Variants in PCDH11X observed in about 807,000 individuals in gnomAD.
PCDH11X encodes the protein protocadherin-11 X-linked.
In PCDH11X, 18 loss-of-function variants were observed where a neutral mutation model predicts 53.3. The observed-to-expected ratio is 0.34, with a 90% CI of 0.23 to 0.50. The LOEUF (loss-of-function observed/expected upper bound fraction) is 0.50. PCDH11X is among the 20% of genes least tolerant of loss of function. PCDH11X has a pLI of 0.98. For synonymous variants in PCDH11X, 279 were observed against 393.3 expected (o/e 0.71, Z 3.44); for missense variants, 570 against 1,032.4 (o/e 0.55, Z 6.14).
chrX:91,950,259 T>A (rs1380320093), intron 6 of PCDH11X, among the ~76,000 whole-genome samples: 2 of 106,209 alleles, frequency 1.9e-5, no homozygotes, highest in African/African-American at 3.4e-5. Context: ...CTGAGTAGCG[T>A]ACACTCTACT....
chrX:92,419,677 T>TC (rs1211060727), intron 9 of PCDH11X, among the ~76,000 whole-genome samples: 118 of 65,121 alleles, frequency 1.8e-3, no homozygotes, highest in Non-Finnish European at 2.9e-3. Context: ...CCCTTTTTTT[T>TC]TTTTTTTTTT....
chrX:92,107,621 C>G (rs1240524915), intron 6 of PCDH11X, among the ~76,000 whole-genome samples: 1 of 112,481 alleles, frequency 8.9e-6, no homozygotes, highest in Non-Finnish European at 1.9e-5. Flanking sequence ...CCTGTAATCC[C>G]TGCTACTCGG....
intron 10 of PCDH11X, among the ~76,000 whole-genome samples, chrX:92,603,485 T>C (rs1446355239): frequency 3.0e-5 from 3 of 100,371 alleles, no homozygotes; most frequent in Non-Finnish European, 4.1e-5. Flanking sequence ...TTTAATGAAG[T>C]CTGATAAACA....
intron 6 of PCDH11X, among the ~76,000 whole-genome samples, chrX:92,112,902 G>A (rs34183592): frequency 1.8e-5 from 2 of 109,113 alleles, no homozygotes; most frequent in South Asian, 7.6e-4. Context: ...AGAGATTAAC[G>A]CCAGTGCTAG....
At chrX:91,946,815 G>A (rs2147865108) in intron 6 of PCDH11X, among the ~76,000 whole-genome samples, 1 of 98,752 alleles carries the variant, frequency 1.0e-5, no homozygotes, top group Admixed American at 1.1e-4. Context: ...TACTTATAGA[G>A]ATAGTTTAGT....
At chrX:92,606,638 T>A (rs1463748393) in intron 10 of PCDH11X, among the ~76,000 whole-genome samples, 1 of 110,064 alleles carries the variant, frequency 9.1e-6, no homozygotes, top group Admixed American at 9.7e-5. Flanking sequence ...GATCTGACAC[T>A]AAAAGTACAA....
chrX:91,850,441 C>A (rs1040676427), intron 5 of PCDH11X, among the ~76,000 whole-genome samples: 2 of 111,528 alleles, frequency 1.8e-5, no homozygotes, highest in African/African-American at 6.5e-5. Context: ...ATTTTAACTT[C>A]TGCTTTGATT....
At chrX:92,180,532 T>C (rs1021852045) in intron 6 of PCDH11X, among the ~76,000 whole-genome samples, 1 of 111,329 alleles carries the variant, frequency 9.0e-6, no homozygotes, top group African/African-American at 3.3e-5. Flanking sequence ...CCGATGGCTT[T>C]AAATATTATC....
chrX:91,971,241 CAA>C (rs11320571), intron 6 of PCDH11X, among the ~76,000 whole-genome samples: 1 of 102,964 alleles, frequency 9.7e-6, no homozygotes, highest in African/African-American at 3.6e-5. Flanking sequence ...CTGATTATTA[CAA>C]AAAAAAAAGA....
chrX:92,436,154 G>A (rs1603312088), intron 9 of PCDH11X, among the ~76,000 whole-genome samples: 1 of 108,372 alleles, frequency 9.2e-6, no homozygotes, highest in Non-Finnish European at 1.9e-5. Context: ...CCATGAAAAA[G>A]TGGGCAAAGG....
chrX:92,569,694 G>A (rs763991804), intron 10 of PCDH11X: 2 of 228,492 alleles, frequency 8.8e-6, no homozygotes, highest in South Asian at 9.2e-5. Context: ...ATTGTATTTT[G>A]ATTTCTTTGA....
In PCDH11X at chrX:92,619,514, G is replaced by A. The variant is rs1231572602; in HGVS notation, c.*574G>A. ...AAATACTGCTTGTTTGTGTCTCTCT[G>A]CTGTCATGTTTTCTACCTTATTCCA... is the stretch of plus-strand genomic sequence containing the variant. On this transcript the variant is annotated 3_prime_UTR_variant, in exon 11 of 11. Coordinates refer to ENST00000682573, the MANE Select transcript of PCDH11X (RefSeq NM_032968.5). 1 of 113,233 alleles carries A rather than the reference G, an allele frequency of 8.8e-6. No homozygotes were observed. Among genetic ancestry groups the A allele is most frequent in the Non-Finnish European group, 1.7e-5 (1 of 57,185 alleles). The allele number at this position is 113,233 out of a possible 1,213,427, so 9.3% of individuals were successfully genotyped here.
At chrX:92,307,638 G>A (rs1441294181) in intron 8 of PCDH11X, among the ~76,000 whole-genome samples, 5 of 109,722 alleles carry the variant, frequency 4.6e-5, no homozygotes, top group Non-Finnish European at 7.6e-5. Flanking sequence ...GCCTGATTTT[G>A]TAAATACAAA....
At chrX:92,256,303 G>A (rs191370859) in intron 7 of PCDH11X, among the ~76,000 whole-genome samples, 131 of 108,193 alleles carry the variant, frequency 1.2e-3, no homozygotes, top group Middle Eastern at 4.8e-3. Flanking sequence ...GCTTCAGCTC[G>A]CGCACGGTGT....
At chrX:91,781,080 G>A (rs1300121930) in intron 1 of PCDH11X, among the ~76,000 whole-genome samples, 4 of 112,260 alleles carry the variant, frequency 3.6e-5, no homozygotes, top group Non-Finnish European at 1.9e-5. Context: ...TGGGGGCTGG[G>A]AATTGCTATT....
chrX:92,114,040 C>T (rs1047763220), intron 6 of PCDH11X: 103 of 1,194,388 alleles, frequency 8.6e-5, no homozygotes, highest in African/African-American at 7.9e-4. Flanking sequence ...CACCTCAGCA[C>T]GCACATTGGT....
At chrX:92,148,001 C>CTTTCTTTCTTTCCT (rs1290730978) in intron 6 of PCDH11X, among the ~76,000 whole-genome samples, 1 of 70,329 alleles carries the variant, frequency 1.4e-5, no homozygotes, top group African/African-American at 8.4e-5. Flanking sequence ...TTCTTTCTTT[C>CTTTCTTTCTTTCCT]TTTCTTTTTC....
chrX:92,162,250 G>A (rs1167625153), intron 6 of PCDH11X, among the ~76,000 whole-genome samples: 1 of 104,687 alleles, frequency 9.6e-6, no homozygotes, highest in African/African-American at 3.5e-5. Context: ...GGAGTGCAGT[G>A]GTGCGATCTC....
chrX:92,495,075 T>C (rs2073836664), intron 10 of PCDH11X, among the ~76,000 whole-genome samples: 1 of 103,733 alleles, frequency 9.6e-6, no homozygotes, highest in Non-Finnish European at 2.0e-5. Flanking sequence ...CTGTATGGCA[T>C]ACCAGATTTT....
Sources: gnomAD v4.1 joint callset for allele counts (sites outside exome capture counted in the v4.1 genomes callset) on GRCh38, gnomAD v4.1.1 for gene constraint, MANE v1.5 for transcripts, NCBI Gene and HGNC (gene_info 2026-07-23, HGNC 2026-07-21) for gene names.